The following RSPH9 variants were observed in gnomAD, a reference collection of about 807,000 sequenced individuals.
RSPH9 encodes the protein radial spoke head protein 9 homolog.
A neutral mutation model predicts 27.0 loss-of-function variants in RSPH9; 27 were observed. The observed-to-expected ratio is 1.00, with a 90% CI of 0.74 to 1.38. The LOEUF is 1.38. Ranked by LOEUF, RSPH9 falls within the 40% of genes most tolerant of loss-of-function variation. RSPH9 has a pLI of 0.00. For missense variants in RSPH9, 347 were observed against 357.4 expected (o/e 0.97, Z 0.24); for synonymous variants, 145 against 147.7 (o/e 0.98, Z 0.13).
chr6:43,658,027 CGCCTGT>C (rs1772203225), intron 4 of RSPH9, among the ~76,000 whole-genome samples: 2 of 152,156 alleles, frequency 1.3e-5, no homozygotes, highest in Non-Finnish European at 2.9e-5. Context: ...CGGTGGCTCA[CGCCTGT>C]GATCCCAGCA....
At chr6:43,658,407 C>G (rs1445093207) in intron 4 of RSPH9, among the ~76,000 whole-genome samples, 1 of 151,478 alleles carries the variant, frequency 6.6e-6, no homozygotes, top group African/African-American at 2.4e-5. Context: ...GTGAGTCACA[C>G]ATTTTTTGAA....
At chr6:43,654,783 A>G (rs1248482771) in intron 2 of RSPH9, among the ~76,000 whole-genome samples, 2 of 152,320 alleles carry the variant, frequency 1.3e-5, no homozygotes, top group East Asian at 3.9e-4. Context: ...AGATCCCTGC[A>G]CTGTACTCCA....
At chr6:43,661,219 T>C (rs557741685) in intron 4 of RSPH9, among the ~76,000 whole-genome samples, 1 of 152,346 alleles carries the variant, frequency 6.6e-6, no homozygotes, top group East Asian at 1.9e-4. Flanking sequence ...AGATTTAGCA[T>C]AATTCTTAAG....
At chr6:43,647,889 T>C (rs780008183) in intron 1 of RSPH9, among the ~76,000 whole-genome samples, 23 of 152,298 alleles carry the variant, frequency 1.5e-4, no homozygotes, top group Non-Finnish European at 2.6e-4. Context: ...TAGTGTGTGT[T>C]CAGGGGGCAG....
chr6:43,670,784 C>G lies in RSPH9; in HGVS notation c.671-5C>G. Reference sequence around the variant, plus strand: ...AGGCCTCACCTCCTGCCTGTCTTATCTCAGGGTCCTGGAGCATCCAGATGG... The same window carrying G: ...AGGCCTCACCTCCTGCCTGTCTTATGTCAGGGTCCTGGAGCATCCAGATGG... On this transcript the variant is annotated splice_polypyrimidine_tract_variant and splice_region_variant and intron_variant, in intron 4 of 4. Coordinates refer to ENST00000372163, the MANE Select transcript of RSPH9 (RefSeq NM_152732.5). 1 of 1,614,008 alleles carries G rather than the reference C, an allele frequency of 6.2e-7. No homozygotes were observed. Among genetic ancestry groups the G allele is most frequent in the Non-Finnish European group, 8.5e-7 (1 of 1,179,896 alleles).
intron 3 of RSPH9, 131 bp downstream of exon 3, chr6:43,655,822 TG>T (rs1423833702): frequency 3.6e-6 from 4 of 1,101,154 alleles, no homozygotes; most frequent in Non-Finnish European, 5.4e-6. Context: ...CCTTATCACC[TG>T]GGAGGGTGTG....
intron 2 of RSPH9, among the ~76,000 whole-genome samples, chr6:43,650,915 A>G (rs1169660648): frequency 3.3e-5 from 5 of 151,342 alleles, no homozygotes; most frequent in Admixed American, 6.6e-5. Flanking sequence ...TAAAAAAAAA[A>G]AAAAGAAAAG....
Position 43,671,375 on chromosome 6 carries a change from G to A in RSPH9, c.*426G>A, listed in dbSNP as rs41281832. On this transcript the variant is annotated 3_prime_UTR_variant, in exon 5 of 5. Coordinates refer to ENST00000372163, the MANE Select transcript of RSPH9 (RefSeq NM_152732.5). Reference sequence around the variant, plus strand: ...ATTGGCCCCATCACAAGAGATCAGTGACTCAATGCTCAGCACCCAGCTGGC... The same window carrying A: ...ATTGGCCCCATCACAAGAGATCAGTAACTCAATGCTCAGCACCCAGCTGGC... 0.012 allele frequency: 4,596 copies of A among 395,086 alleles called. 42 individuals carry two copies. Among genetic ancestry groups the A allele is most frequent in the Non-Finnish European group, 0.017 (3,606 of 213,932 alleles). 24.5% of individuals were successfully genotyped at this position (395,086 alleles called of 1,614,324 possible). A position where few individuals can be genotyped will look rare whatever the true frequency, so the allele number is the denominator to read the frequency against.
At chr6:43,654,464 G>A (rs987585390) in intron 2 of RSPH9, among the ~76,000 whole-genome samples, 1 of 152,124 alleles carries the variant, frequency 6.6e-6, no homozygotes, top group African/African-American at 2.4e-5. Context: ...GAGGCAGGGA[G>A]ACTGCTTGAG....
intron 2 of RSPH9, among the ~76,000 whole-genome samples, chr6:43,653,446 CAA>C (rs79873267): frequency 2.3e-4 from 17 of 75,434 alleles, no homozygotes; most frequent in Admixed American, 1.4e-4. Flanking sequence ...GACTCCGTCT[CAA>C]AAAAAAAAAA....
At chr6:43,667,592 A>T (rs745547918) in intron 4 of RSPH9, among the ~76,000 whole-genome samples, 2 of 152,168 alleles carry the variant, frequency 1.3e-5, no homozygotes, top group Admixed American at 6.5e-5. Flanking sequence ...AGTTCCTTGG[A>T]AGCCTGGCTG....
At chr6:43,665,972 TG>T (rs1773097169) in intron 4 of RSPH9, among the ~76,000 whole-genome samples, 1 of 152,034 alleles carries the variant, frequency 6.6e-6, no homozygotes, top group Non-Finnish European at 1.5e-5. Flanking sequence ...ACTACAGGTG[TG>T]GACCACCATG....
chr6:43,671,583 G>A lies in RSPH9; in HGVS notation c.*634G>A, dbSNP rs1773697784. On this transcript the variant is annotated 3_prime_UTR_variant, in exon 5 of 5. Transcript: ENST00000372163. ...CTGCCTGCCTCTAGCTCCCAGCATT[G>A]CTACTGTGCAGGCCAAGGGTACTGA... The A allele has an allele frequency of 1.5e-6, 1 of 688,136 alleles. No individual in the cohort carries two copies. The highest frequency in any genetic ancestry group is 1.8e-5 in the African/African-American group (1 of 55,754). The allele number at this position is 688,136 out of a possible 1,614,324, so 42.6% of individuals were successfully genotyped here. A position where few individuals can be genotyped will look rare whatever the true frequency, so the allele number is the denominator to read the frequency against.
intron 1 of RSPH9, among the ~76,000 whole-genome samples, chr6:43,647,692 A>G (rs745761064): frequency 1.1e-4 from 17 of 152,214 alleles, no homozygotes; most frequent in Non-Finnish European, 2.4e-4. Context: ...TTAAGAAGGT[A>G]TATTAAAGTA....
chr6:43,659,078 C>T (rs909966684), intron 4 of RSPH9, among the ~76,000 whole-genome samples: 7 of 152,204 alleles, frequency 4.6e-5, no homozygotes, highest in African/African-American at 1.7e-4. Context: ...AAACCACTTT[C>T]TTTGCTCATC....
intron 4 of RSPH9, 88 bp from the exon 5 acceptor site, chr6:43,670,701 C>A: frequency 8.3e-7 from 1 of 1,204,534 alleles, no homozygotes; most frequent in Non-Finnish European, 1.2e-6. Flanking sequence ...CTGGGCCTGG[C>A]TGCCCAAGGA....
At chr6:43,660,604 C>T (rs1049890960) in intron 4 of RSPH9, among the ~76,000 whole-genome samples, 6 of 152,192 alleles carry the variant, frequency 3.9e-5, no homozygotes, top group Admixed American at 3.9e-4. Context: ...GCTGGGACTA[C>T]AGGCGCCCAT....
chr6:43,671,912 GA>G lies in RSPH9; in HGVS notation c.*964del. The stretch of plus-strand genomic sequence containing the variant: ...GAGCCCAGCGCGTCAGGTACCTGTG[GA>G]GGGAGAACAAAGAGGTGCCTGTGAG... On this transcript the variant is annotated 3_prime_UTR_variant, in exon 5 of 5. Transcript: ENST00000372163. 6.3e-7 allele frequency: 1 copy of G among 1,597,364 alleles called. No individual in the cohort carries two copies. The highest frequency in any genetic ancestry group is 2.2e-5 in the East Asian group (1 of 44,526).
At position 43,655,666 on chromosome 6, in the gene RSPH9, C is replaced by T. The variant is rs770417362; in HGVS notation, c.498C>T (p.Pro166=). Residue 166 remains proline, a synonymous_variant, in exon 3 of 5, where the codon CCC becomes CCT. Coordinates refer to ENST00000372163, the MANE Select transcript of RSPH9 (RefSeq NM_152732.5). ...CCCTCTTCAAGACCCCTTTTGGACC[C>T]ACCCATGTCAATCGGACCTTTGAAG... ...RGALFKTPFG[P]THVNRTFEGL... 4.3e-6 allele frequency: 7 copies of T among 1,614,132 alleles called. No homozygotes were observed. Among genetic ancestry groups the T allele is most frequent in the East Asian group, 2.2e-5 (1 of 44,898 alleles).
Sources: allele counts gnomAD v4.1 joint callset (sites outside exome capture counted in the v4.1 genomes callset), GRCh38; gene constraint gnomAD v4.1.1; transcripts MANE v1.5; gene names NCBI Gene and HGNC (gene_info 2026-07-23, HGNC 2026-07-21).